The following BYSL variants were observed in gnomAD, a reference collection of about 807,000 sequenced individuals.
BYSL encodes bystin.
BYSL carries 21 observed loss-of-function variants against 45.4 expected under a neutral mutation model. That is an observed-to-expected ratio of 0.46 (90% CI 0.33 to 0.67). The LOEUF is 0.67. Among genes scored for constraint, BYSL ranks in the 30% least tolerant of loss-of-function variants. The probability of loss-of-function intolerance (pLI) is 0.02; values close to 1 mark genes in which losing one functional copy is unlikely to be tolerated. For missense variants in BYSL, 522 were observed against 578.5 expected, an observed-to-expected ratio of 0.90 and a Z score of 1.00; for synonymous variants, 215 against 231.3, an observed-to-expected ratio of 0.93 and a Z score of 0.64.
At chr6:41,911,004 G>A in the BYSL span, among the ~76,000 whole-genome samples, 14 of 151,682 alleles carry the variant, frequency 9.2e-5, no homozygotes, top group Non-Finnish European at 1.9e-4. Flanking sequence ...AGCTACTCGG[G>A]AGGCTGAGGC....
chr6:41,923,198 G>C (rs1291181734), intron 1 of BYSL, among the ~76,000 whole-genome samples: 1 of 151,812 alleles, frequency 6.6e-6, no homozygotes, highest in Admixed American at 6.6e-5. Flanking sequence ...ATAGAGTGCG[G>C]TGGCACAATC....
chr6:41,927,572 G>T (rs1775582078), intron 2 of BYSL, 36 bp downstream of exon 2: 2 of 1,605,466 alleles, frequency 1.2e-6, no homozygotes, highest in Non-Finnish European at 1.7e-6. Context: ...AGTCCTTGTA[G>T]AAAGTTCCCA....
At chr6:41,921,903 T>C (rs1775486023) in intron 1 of BYSL, 73 bp downstream of exon 1, 2 of 1,505,346 alleles carry the variant, frequency 1.3e-6, no homozygotes, top group Non-Finnish European at 1.8e-6. Context: ...AAAAAGTGTC[T>C]GGCAGGGGAA....
chr6:41,909,674 C>G, the BYSL span: 7 of 1,171,774 alleles, frequency 6.0e-6, no homozygotes, highest in Non-Finnish European at 7.2e-6. Flanking sequence ...CTCTCACTGA[C>G]AGCCTTTTCT....
upstream of BYSL, among the ~76,000 whole-genome samples, chr6:41,917,121 G>C (rs1582063208): frequency 6.6e-6 from 1 of 152,022 alleles, no homozygotes. Flanking sequence ...AATTTTTTTG[G>C]CCAGGCGTGG....
the BYSL span, among the ~76,000 whole-genome samples, chr6:41,911,780 C>T: frequency 0.017 from 2,514 of 152,156 alleles, 53 homozygotes; most frequent in African/African-American, 0.05. Context: ...AGGCCACATC[C>T]CTCCTCCTGA....
chr6:41,921,784 G>A lies in BYSL; in HGVS notation c.222G>A (p.Gly74=), dbSNP rs1245045490. The A allele has an allele frequency of 6.2e-7, 1 of 1,613,180 alleles. No individual in the cohort carries two copies. Among genetic ancestry groups the A allele is most frequent in the Admixed American group, 1.7e-5 (1 of 59,988 alleles). ...QQQEELEAEH[G]TGDKPAAPRE... ...AGGAGGAACTCGAGGCCGAGCATGG[G>A]ACTGGGGACAAGCCCGCGGCGCCGC... The change falls in exon 1 of 7, where the codon GGG becomes GGA. Residue 74 remains glycine, a synonymous_variant. Transcript: ENST00000230340.
rs1460853729 is a variant in BYSL, at chr6:41,921,558, GA to G, written c.1del. On this transcript the variant is annotated 5_prime_UTR_variant, in exon 1 of 7. Coordinates refer to ENST00000230340, the MANE Select transcript of BYSL (RefSeq NM_004053.4). ...CGATCCTTCCCGGCAACTTTTTCGAGAAAAATGCCCAAATTCAAGGCGGCCC... is the reference window on the plus strand; with the variant it reads ...CGATCCTTCCCGGCAACTTTTTCGAGAAAATGCCCAAATTCAAGGCGGCCC... The G allele has an allele frequency of 6.4e-7, 1 of 1,556,894 alleles. No homozygotes were observed. Among genetic ancestry groups the G allele is most frequent in the Non-Finnish European group, 8.7e-7 (1 of 1,150,080 alleles).
At chr6:41,920,967 C>T, upstream of BYSL, 2 of 1,604,120 alleles carry the variant, frequency 1.2e-6, no homozygotes, top group Non-Finnish European at 1.7e-6. Flanking sequence ...CCTTTCACAA[C>T]TCCAAGCCCC....
intron 1 of BYSL, among the ~76,000 whole-genome samples, chr6:41,926,625 A>G (rs1347205949): frequency 6.6e-6 from 1 of 150,868 alleles, no homozygotes; most frequent in Non-Finnish European, 1.5e-5. Context: ...TAATTTTTGT[A>G]TTTTTAGTAG....
intron 1 of BYSL, among the ~76,000 whole-genome samples, chr6:41,924,473 T>G (rs1775536628): frequency 1.3e-5 from 2 of 152,258 alleles, no homozygotes; most frequent in Middle Eastern, 3.2e-3. Flanking sequence ...GGTCGTAGAC[T>G]ATCTCCTCCA....
At chr6:41,921,367 T>C (rs779734607), upstream of BYSL, 1 of 688,396 alleles carries the variant, frequency 1.5e-6, no homozygotes, top group Non-Finnish European at 2.4e-6. Context: ...GTGAATATAT[T>C]CGGGAGTCCA....
chr6:41,932,261 G>A lies in BYSL; in HGVS notation c.969-100G>A, dbSNP rs1775651135. On this transcript the variant is annotated intron_variant, in intron 6 of 6. Transcript: ENST00000230340. The surrounding 1 kb of genome is among the most constrained non-coding windows in gnomAD (Gnocchi z 4.7). The stretch of plus-strand genomic sequence containing the variant: ...GGGGAATACCATAGTGTAAGGGCCA[G>A]CAGAGGGGAAGAAAAAAAGGGGAAA... The A allele has an allele frequency of 3.4e-6, 4 of 1,174,394 alleles. No individual in the cohort carries two copies. The highest frequency in any genetic ancestry group is 1.9e-5 in the Admixed American group (1 of 53,656). 72.7% of individuals were successfully genotyped at this position (1,174,394 alleles called of 1,614,324 possible). A position where few individuals can be genotyped will look rare whatever the true frequency, so the allele number is the denominator to read the frequency against.
In BYSL at chr6:41,932,361, T is replaced by C. The variant is rs1338660036; in HGVS notation, c.969T>C (p.Ser323=). Residue 323 remains serine, a splice_region_variant and synonymous_variant, in exon 7 of 7, where the codon AGT becomes AGC. Coordinates refer to ENST00000230340, the MANE Select transcript of BYSL (RefSeq NM_004053.4). This position sits in a 1 kb window ranked among gnomAD's most constrained non-coding sequence, Gnocchi z 4.7. ...TKCSIPVLHS[S]AAMLKIAEME... ...CTACCCCACCTCCCTTTCCCACTAG[T>C]GCGGCCATGCTGAAAATTGCTGAGA... 4 of 1,607,484 alleles carry C rather than the reference T, an allele frequency of 2.5e-6. No individual in the cohort carries two copies. The highest frequency in any genetic ancestry group is 3.4e-6 in the Non-Finnish European group (4 of 1,178,816).
chr6:41,910,625 C>CT, the BYSL span, among the ~76,000 whole-genome samples: 2 of 142,830 alleles, frequency 1.4e-5, no homozygotes, highest in African/African-American at 5.1e-5. Flanking sequence ...GAGCAATACT[C>CT]TATCTCCAAA....
chr6:41,930,585 A>T (rs758307999), intron 3 of BYSL, 50 bp from the exon 4 acceptor site: 7 of 1,566,772 alleles, frequency 4.5e-6, no homozygotes, highest in Non-Finnish European at 5.2e-6. Flanking sequence ...GCCCACAGCA[A>T]GCTTGCCATA....
In BYSL at chr6:41,921,682, C is replaced by T; in HGVS notation, c.120C>T (p.Arg40=). 6.2e-7 allele frequency: 1 copy of T among 1,612,720 alleles called. No individual in the cohort carries two copies. Among genetic ancestry groups the T allele is most frequent in the Non-Finnish European group, 8.5e-7 (1 of 1,179,598 alleles). The change falls in exon 1 of 7, where the codon CGC becomes CGT. Residue 40 remains arginine, a synonymous_variant. Transcript: ENST00000230340. ...GGGTCCGGGAGAAGCGGCGGGGTCG[C>T]GGGACAGGAGAAGCGGAGGAAGAGT... ...RAGVREKRRG[R]GTGEAEEEYV...
In BYSL at chr6:41,921,773, G is replaced by A. The variant is rs1341274902; in HGVS notation, c.211G>A (p.Ala71Thr). Residue 71 changes from alanine (A) to threonine (T), a missense_variant, in exon 1 of 7, where the codon GCC becomes ACC. Ala to Thr is a moderately conservative substitution (Grantham distance 58). Transcript: ENST00000230340. ...QARQQQEELE[A>T]EHGTGDKPAA... Reference sequence around the variant, plus strand: ...ACGGCAGCAACAGGAGGAACTCGAGGCCGAGCATGGGACTGGGGACAAGCC... The same window carrying A: ...ACGGCAGCAACAGGAGGAACTCGAGACCGAGCATGGGACTGGGGACAAGCC... 6.2e-7 allele frequency: 1 copy of A among 1,613,362 alleles called. No homozygotes were observed. Among genetic ancestry groups the A allele is most frequent in the East Asian group, 2.2e-5 (1 of 44,840 alleles).
the BYSL span, chr6:41,908,969 G>A: frequency 4.7e-6 from 2 of 426,354 alleles, no homozygotes; most frequent in Admixed American, 7.8e-5. Context: ...GATCAATTGA[G>A]CCCAGGAGTC....
Sources: allele counts gnomAD v4.1 joint callset (sites outside exome capture counted in the v4.1 genomes callset), GRCh38; gene constraint gnomAD v4.1.1; non-coding constraint Gnocchi (gnomAD v3.1); transcripts MANE v1.5; gene names NCBI Gene and HGNC (gene_info 2026-07-23, HGNC 2026-07-21).